Variants in BANF2 observed in about 807,000 individuals in gnomAD.
BANF2 encodes the protein barrier-to-autointegration factor-like protein.
Under a neutral mutation model 8.0 loss-of-function variants are expected in BANF2, and 4 were observed. That is an observed-to-expected ratio of 0.50 (90% CI 0.25 to 1.14). The LOEUF (loss-of-function observed/expected upper bound fraction) is 1.14, where lower values mean the gene tolerates loss of function less well. BANF2 is among the 50% of genes most tolerant of loss of function. The pLI is 0.16. For synonymous variants in BANF2, 50 were observed against 40.6 expected, an observed-to-expected ratio of 1.23 and a Z score of -0.88; for missense variants, 96 against 107.5, an observed-to-expected ratio of 0.89 and a Z score of 0.47.
intron 3 of BANF2, among the ~76,000 whole-genome samples, chr20:17,730,238 G>A (rs1012175489): frequency 1.3e-5 from 2 of 152,120 alleles, no homozygotes; most frequent in Admixed American, 6.5e-5. Flanking sequence ...TTCCTGATTG[G>A]AAAGTGGAGA....
At chr20:17,710,381 G>A (rs979991307) in intron 1 of BANF2, among the ~76,000 whole-genome samples, 1 of 152,068 alleles carries the variant, frequency 6.6e-6, no homozygotes, top group Non-Finnish European at 1.5e-5. Flanking sequence ...GGCCCCCTTT[G>A]CCTCTTCGGG....
intron 1 of BANF2, among the ~76,000 whole-genome samples, chr20:17,706,745 G>A (rs1449651650): frequency 6.6e-6 from 1 of 152,234 alleles, no homozygotes; most frequent in Non-Finnish European, 1.5e-5. Context: ...CACTAAGAGA[G>A]GGGTAGCATT....
At position 17,724,053 on chromosome 20, in the gene BANF2, G is replaced by A. The variant is rs371315281; in HGVS notation, c.-3-970G>A. Reference sequence around the variant, plus strand: ...GCAACCCTCATTTAACAAAATGGCCGGTTTTGCTGGGATGCAGACCTAATG... The same window carrying A: ...GCAACCCTCATTTAACAAAATGGCCAGTTTTGCTGGGATGCAGACCTAATG... On this transcript the variant is annotated intron_variant, in intron 2 of 3. Transcript: ENST00000246090. Among the ~76,000 whole-genome samples, 26 of 152,218 alleles carry A rather than the reference G, an allele frequency of 1.7e-4. 1 individual carries two copies. In the East Asian group the frequency reaches 2.5e-3, roughly 15 times the overall value.
chr20:17,731,838 G>A (rs1199636654), intron 3 of BANF2, among the ~76,000 whole-genome samples: 4 of 151,016 alleles, frequency 2.6e-5, no homozygotes, highest in East Asian at 1.9e-4. Flanking sequence ...AGGCCGAGGC[G>A]GGCAGATCAC....
At position 17,735,808 on chromosome 20, in the gene BANF2, G is replaced by A. The variant is rs2037970425; in HGVS notation, c.270G>A (p.Leu90=). Reference sequence around the variant, plus strand: ...TCAAGGAGTGGTGTGCCTGCTTCCTGTAGACACAAACCTCATTGCTGCCCC... The same window carrying A: ...TCAAGGAGTGGTGTGCCTGCTTCCTATAGACACAAACCTCATTGCTGCCCC... ...HCLKEWCACF[L] is the part of the protein sequence containing the mutation. The change falls in exon 4 of 4, where the codon CTG becomes CTA. Residue 90 remains leucine (L), a synonymous_variant. Transcript: ENST00000246090. 6 of 1,612,944 alleles carry A rather than the reference G, an allele frequency of 3.7e-6. No homozygotes were observed. The highest frequency in any genetic ancestry group is 5.1e-6 in the Non-Finnish European group (6 of 1,179,554).
chr20:17,700,001 A>G lies in BANF2; in HGVS notation c.-221A>G. On this transcript the variant is annotated 5_prime_UTR_variant, in exon 1 of 4. Coordinates refer to ENST00000246090, the MANE Select transcript of BANF2 (RefSeq NM_178477.5). ...CTGAACCTCTGGCCTGCAGTTCCAG[A>G]TCCAAGGTGACTGAGACAAACTGCC... is the stretch of plus-strand genomic sequence containing the variant. The G allele has an allele frequency of 8.1e-6, 8 of 985,478 alleles. No homozygotes were observed. Among genetic ancestry groups the G allele is most frequent in the Middle Eastern group, 5.2e-4 (1 of 1,914 alleles). The allele number at this position is 985,478 out of a possible 1,614,324, so 61.0% of individuals were successfully genotyped here.
At chr20:17,718,602 A>G (rs1003931327) in intron 1 of BANF2, among the ~76,000 whole-genome samples, 24 of 152,150 alleles carry the variant, frequency 1.6e-4, no homozygotes, top group Non-Finnish European at 2.6e-4. Flanking sequence ...AGCCATTTGT[A>G]TGGCATTGGA....
At chr20:17,714,090 T>C (rs1228709775) in intron 1 of BANF2, among the ~76,000 whole-genome samples, 7 of 149,332 alleles carry the variant, frequency 4.7e-5, no homozygotes, top group African/African-American at 1.7e-4. Context: ...CCTATAATCC[T>C]AGCTACTTGG....
chr20:17,712,652 C>A, intron 1 of BANF2: 1 of 623,318 alleles, frequency 1.6e-6, no homozygotes, highest in Non-Finnish European at 2.0e-6. Context: ...TTTCTAGAAT[C>A]CATGGGGCAG....
At chr20:17,693,753 G>A (rs1207881813) in intron 1 of BANF2, 11 of 1,547,590 alleles carry the variant, frequency 7.1e-6, no homozygotes, top group Non-Finnish European at 8.7e-6. Flanking sequence ...GGGAAGAGAC[G>A]GCGGGGAAAG....
At chr20:17,701,643 G>C (rs6111621) in intron 1 of BANF2, among the ~76,000 whole-genome samples, 28,110 of 152,134 alleles carry the variant, frequency 0.18, 3,095 homozygotes, top group African/African-American at 0.3. Flanking sequence ...GTTTCTGGGT[G>C]TTAGTACTTT....
At chr20:17,698,647 T>C (rs1024949562), upstream of BANF2, among the ~76,000 whole-genome samples, 16 of 152,190 alleles carry the variant, frequency 1.1e-4, no homozygotes, top group African/African-American at 3.6e-4. Flanking sequence ...CTCCAGCAGC[T>C]GGCAAAAGCC....
At chr20:17,698,180 C>G (rs558220851), upstream of BANF2, among the ~76,000 whole-genome samples, 26 of 151,824 alleles carry the variant, frequency 1.7e-4, 1 homozygote, top group East Asian at 5.0e-3. Context: ...CGCATTCCAA[C>G]CTGGGCAACA....
intron 1 of BANF2, among the ~76,000 whole-genome samples, chr20:17,721,378 TTTTCTTTC>T (rs141981008): frequency 6.9e-6 from 1 of 145,520 alleles, no homozygotes; most frequent in East Asian, 2.0e-4. Flanking sequence ...TTTTTTTTCT[TTTTCTTTC>T]TTTCTTTCTT....
At chr20:17,718,603 T>A (rs2037687646) in intron 1 of BANF2, among the ~76,000 whole-genome samples, 1 of 152,312 alleles carries the variant, frequency 6.6e-6, no homozygotes, top group African/African-American at 2.4e-5. Flanking sequence ...GCCATTTGTA[T>A]GGCATTGGAG....
intron 1 of BANF2, among the ~76,000 whole-genome samples, chr20:17,719,129 C>T (rs2122615079): frequency 6.6e-6 from 1 of 151,942 alleles, no homozygotes. Context: ...TGTTCTGTTT[C>T]GTTTTGTTTT....
At chr20:17,714,438 T>C (rs2037621971) in intron 1 of BANF2, among the ~76,000 whole-genome samples, 1 of 152,180 alleles carries the variant, frequency 6.6e-6, no homozygotes, top group South Asian at 2.1e-4. Context: ...CTAGAACCAC[T>C]ATCAGACAAG....
In BANF2 at chr20:17,735,299, A is replaced by G. The variant is rs539974184; in HGVS notation, c.127-366A>G. ...CTACTCAAACTGTTGTCCCTGGACC[A>G]GCAGCAGCTGGGAGCATGTTAGAAA... On this transcript the variant is annotated intron_variant, in intron 3 of 3. Transcript: ENST00000246090. Among the ~76,000 whole-genome samples, 7 of 152,330 alleles carry G rather than the reference A, an allele frequency of 4.6e-5. No individual in the cohort carries two copies. In the East Asian group the frequency reaches 1.4e-3, roughly 29 times the overall value.
chr20:17,731,117 G>C (rs1600229565), intron 3 of BANF2: 1 of 152,300 alleles, frequency 6.6e-6, no homozygotes, highest in East Asian at 1.9e-4. Flanking sequence ...TACAAAATTA[G>C]CCACGCATGG....
Sources: allele counts gnomAD v4.1 joint callset (sites outside exome capture counted in the v4.1 genomes callset), GRCh38; gene constraint gnomAD v4.1.1; transcripts MANE v1.5; gene names NCBI Gene and HGNC (gene_info 2026-07-23, HGNC 2026-07-21).